Variants in XKR6 observed in about 807,000 individuals in gnomAD.
XKR6 encodes the protein XK related 6.
XKR6 carries 22 observed loss-of-function variants against 56.7 expected under a neutral mutation model. The ratio of observed to expected loss-of-function variants is 0.39; its 90% CI spans 0.28 to 0.55. XKR6 has a LOEUF of 0.55. Among genes scored for constraint, XKR6 ranks in the 20% least tolerant of loss-of-function variants. The pLI, the probability that XKR6 is intolerant of heterozygous loss-of-function variation, is 0.66. For synonymous variants in XKR6, 524 were observed against 387.8 expected, an observed-to-expected ratio of 1.35 and a Z score of -4.13; for missense variants, 852 against 889.0, an observed-to-expected ratio of 0.96 and a Z score of 0.53.
At chr8:10,990,938 G>T (rs1797977766) in intron 1 of XKR6, among the ~76,000 whole-genome samples, 1 of 116,030 alleles carries the variant, frequency 8.6e-6, no homozygotes, top group Non-Finnish European at 1.6e-5. Context: ...AGTCTCACTT[G>T]GTCACCCAGG....
intron 1 of XKR6, among the ~76,000 whole-genome samples, chr8:11,017,295 G>T (rs528651758): frequency 6.6e-6 from 1 of 152,196 alleles, no homozygotes; most frequent in East Asian, 1.9e-4. Context: ...GGGACAACCC[G>T]GACCCCAGGC....
intron 1 of XKR6, among the ~76,000 whole-genome samples, chr8:11,078,552 A>G (rs1288452959): frequency 6.6e-6 from 1 of 152,030 alleles, no homozygotes; most frequent in Non-Finnish European, 1.5e-5. Context: ...TAAGGAAGAG[A>G]GGATTTGGGG....
intron 1 of XKR6, among the ~76,000 whole-genome samples, chr8:10,956,836 G>A (rs1210914247): frequency 1.3e-5 from 2 of 152,210 alleles, no homozygotes; most frequent in Non-Finnish European, 2.9e-5. Context: ...TCAGATACAG[G>A]TAAGACCTCT....
chr8:11,068,189 C>T (rs563462629), intron 1 of XKR6, among the ~76,000 whole-genome samples: 3 of 152,312 alleles, frequency 2.0e-5, no homozygotes, highest in South Asian at 2.1e-4. Context: ...TGGCTGTCCT[C>T]GCCCTCCCAG....
intron 1 of XKR6, among the ~76,000 whole-genome samples, chr8:11,152,715 G>A (rs1169131653): frequency 3.3e-5 from 5 of 152,176 alleles, no homozygotes; most frequent in Admixed American, 1.3e-4. Context: ...GAACTAAAGC[G>A]CCATGCCAAG....
chr8:11,081,479 A>G (rs554824618), intron 1 of XKR6, among the ~76,000 whole-genome samples: 1 of 152,368 alleles, frequency 6.6e-6, no homozygotes, highest in South Asian at 2.1e-4. Context: ...ATGTGATTTG[A>G]TCACACATCA....
chr8:11,129,034 T>C (rs1386104167), intron 1 of XKR6: 6 of 452,800 alleles, frequency 1.3e-5, no homozygotes, highest in East Asian at 7.0e-5. Context: ...CACAGTGAAA[T>C]TAAGCACATC....
chr8:10,942,259 G>A (rs1435277155), intron 1 of XKR6, among the ~76,000 whole-genome samples: 1 of 152,100 alleles, frequency 6.6e-6, no homozygotes, highest in African/African-American at 2.4e-5. Flanking sequence ...CACCCACATG[G>A]TCACACTCCA....
chr8:11,053,162 C>A (rs1018096261), intron 1 of XKR6, among the ~76,000 whole-genome samples: 1 of 152,210 alleles, frequency 6.6e-6, no homozygotes. Context: ...GGCTGGGATC[C>A]GCTATAGGCT....
At chr8:10,998,328 G>T (rs1234833389) in intron 1 of XKR6, among the ~76,000 whole-genome samples, 5 of 152,012 alleles carry the variant, frequency 3.3e-5, no homozygotes, top group African/African-American at 1.2e-4. Context: ...GAACCTAATT[G>T]TTTTAACACC....
chr8:11,168,305 G>C (rs996186352), intron 1 of XKR6, among the ~76,000 whole-genome samples: 4 of 152,316 alleles, frequency 2.6e-5, no homozygotes, highest in African/African-American at 9.6e-5. Context: ...TGTTGAAGTT[G>C]AGAAGGATAC....
intron 1 of XKR6, among the ~76,000 whole-genome samples, chr8:11,183,342 C>CA (rs1334463110): frequency 6.6e-6 from 1 of 152,188 alleles, no homozygotes; most frequent in African/African-American, 2.4e-5. Context: ...ACAAGGGTTC[C>CA]AATTTCTCCA....
chr8:11,104,899 A>C (rs950152825), intron 1 of XKR6: 12 of 152,192 alleles, frequency 7.9e-5, no homozygotes, highest in African/African-American at 2.9e-4. Flanking sequence ...TTTCACATAT[A>C]ACTTTTGGAA....
intron 1 of XKR6, among the ~76,000 whole-genome samples, chr8:11,169,625 G>C (rs543676461): frequency 3.3e-5 from 5 of 152,314 alleles, no homozygotes; most frequent in Non-Finnish European, 5.9e-5. Flanking sequence ...TCAGAGGCTG[G>C]AGAAAGGAGA....
At chr8:11,048,352 G>A (rs556102591) in intron 1 of XKR6, among the ~76,000 whole-genome samples, 1 of 152,114 alleles carries the variant, frequency 6.6e-6, no homozygotes, top group Non-Finnish European at 1.5e-5. Flanking sequence ...CTCGCCAGGG[G>A]GAGGGAAACT....
At chr8:11,188,932 G>C (rs1206054853) in intron 1 of XKR6, among the ~76,000 whole-genome samples, 4 of 152,114 alleles carry the variant, frequency 2.6e-5, no homozygotes, top group African/African-American at 4.8e-5. Context: ...AAGGTATTGA[G>C]TGTGCACAGA....
chr8:11,088,375 A>G (rs893526080), intron 1 of XKR6, among the ~76,000 whole-genome samples: 1 of 152,256 alleles, frequency 6.6e-6, no homozygotes, highest in Non-Finnish European at 1.5e-5. Context: ...ACAATTTCAG[A>G]TCACGATGCC....
intron 1 of XKR6, among the ~76,000 whole-genome samples, chr8:11,145,554 C>G (rs1800937857): frequency 6.6e-6 from 1 of 152,146 alleles, no homozygotes; most frequent in African/African-American, 2.4e-5. Context: ...AAAACATCAA[C>G]TGTATTTCTA....
chr8:11,046,729 A>G (rs948974664), intron 1 of XKR6, among the ~76,000 whole-genome samples: 2 of 152,254 alleles, frequency 1.3e-5, no homozygotes, highest in Admixed American at 1.3e-4. Context: ...TTAAGTGGCC[A>G]TCCATGGATG....
Sources: allele counts gnomAD v4.1 joint callset (sites outside exome capture counted in the v4.1 genomes callset), GRCh38; gene constraint gnomAD v4.1.1; transcripts MANE v1.5; gene names NCBI Gene and HGNC (gene_info 2026-07-23, HGNC 2026-07-21).